Variants in HS3ST5 observed in about 807,000 individuals in gnomAD.
HS3ST5 encodes the protein heparan sulfate glucosamine 3-O-sulfotransferase 5.
A neutral mutation model predicts 25.4 loss-of-function variants in HS3ST5; 10 were observed. The ratio of observed to expected loss-of-function variants is 0.39; its 90% CI spans 0.24 to 0.67. The LOEUF is 0.67. Among genes scored for constraint, HS3ST5 ranks in the 30% least tolerant of loss-of-function variants. The pLI is 0.44. For missense variants in HS3ST5, 324 were observed against 420.7 expected, an observed-to-expected ratio of 0.77 and a Z score of 2.01; for synonymous variants, 170 against 162.4, an observed-to-expected ratio of 1.05 and a Z score of -0.36.
At chr6:114,119,952 C>A (rs1776704664) in intron 3 of HS3ST5, among the ~76,000 whole-genome samples, 1 of 152,114 alleles carries the variant, frequency 6.6e-6, no homozygotes, top group African/African-American at 2.4e-5. Context: ...CGAGACCGGC[C>A]TGGCCAACGT....
chr6:114,187,416 T>A (rs1365752690), intron 2 of HS3ST5, among the ~76,000 whole-genome samples: 1 of 151,790 alleles, frequency 6.6e-6, no homozygotes, highest in Non-Finnish European at 1.5e-5. Context: ...CTTTGAGGGG[T>A]TCAAGACTTC....
intron 1 of HS3ST5, among the ~76,000 whole-genome samples, chr6:114,280,541 G>C (rs1774061819): frequency 6.6e-6 from 1 of 152,008 alleles, no homozygotes; most frequent in Admixed American, 6.6e-5. Context: ...CATTCCAGTG[G>C]CATAACGATG....
At chr6:114,100,430 G>A (rs925271357) in intron 3 of HS3ST5, among the ~76,000 whole-genome samples, 1 of 151,970 alleles carries the variant, frequency 6.6e-6, no homozygotes, top group African/African-American at 2.4e-5. Context: ...CCCAGAGATG[G>A]TCTGATTTAA....
chr6:114,127,274 C>T (rs1162597896), intron 3 of HS3ST5, among the ~76,000 whole-genome samples: 1 of 152,072 alleles, frequency 6.6e-6, no homozygotes, highest in African/African-American at 2.4e-5. Flanking sequence ...GAAAATTCTA[C>T]TTAATTACCA....
At chr6:114,239,245 CA>C (rs1771993212) in intron 1 of HS3ST5, 1 of 152,118 alleles carries the variant, frequency 6.6e-6, no homozygotes, top group African/African-American at 2.4e-5. Context: ...TTTCAGTTAG[CA>C]AAAGGCATAG....
chr6:114,192,988 T>A (rs999015915), intron 2 of HS3ST5, among the ~76,000 whole-genome samples: 4 of 152,188 alleles, frequency 2.6e-5, no homozygotes, highest in African/African-American at 9.7e-5. Context: ...CCCACCTTTT[T>A]AAAAGTTTAA....
At chr6:114,146,585 C>A (rs1778172345) in intron 3 of HS3ST5, among the ~76,000 whole-genome samples, 1 of 152,188 alleles carries the variant, frequency 6.6e-6, no homozygotes, top group African/African-American at 2.4e-5. Context: ...GGCAGGGAGG[C>A]TGTTCCTAAG....
At chr6:114,165,693 T>C (rs947277869) in intron 3 of HS3ST5, among the ~76,000 whole-genome samples, 5 of 152,188 alleles carry the variant, frequency 3.3e-5, no homozygotes, top group Non-Finnish European at 7.4e-5. Context: ...TCGCGCTCAC[T>C]TCACCCCCAT....
intron 2 of HS3ST5, among the ~76,000 whole-genome samples, chr6:114,205,158 A>T (rs2114395517): frequency 6.6e-6 from 1 of 152,254 alleles, no homozygotes; most frequent in Non-Finnish European, 1.5e-5. Flanking sequence ...CCCACACGTT[A>T]AGGGCTCAGT....
chr6:114,216,443 A>G (rs1418760053), intron 2 of HS3ST5, among the ~76,000 whole-genome samples: 1 of 152,234 alleles, frequency 6.6e-6, no homozygotes, highest in African/African-American at 2.4e-5. Context: ...ATTGCTGGCA[A>G]TCAGGAGGCA....
chr6:114,231,925 G>A (rs903633647), intron 1 of HS3ST5, among the ~76,000 whole-genome samples: 33 of 152,170 alleles, frequency 2.2e-4, no homozygotes, highest in Non-Finnish European at 4.7e-4. Context: ...GAAGAACTGG[G>A]TTCTGTTATT....
At chr6:114,250,877 A>G (rs1342213448) in intron 1 of HS3ST5, among the ~76,000 whole-genome samples, 1 of 152,222 alleles carries the variant, frequency 6.6e-6, no homozygotes, top group African/African-American at 2.4e-5. Flanking sequence ...ACTCATGACT[A>G]AAAAGTTGAG....
At chr6:114,217,762 G>C (rs1003410659) in intron 2 of HS3ST5, among the ~76,000 whole-genome samples, 6 of 152,100 alleles carry the variant, frequency 3.9e-5, no homozygotes, top group African/African-American at 1.4e-4. Context: ...GCAGAAGTGG[G>C]GACTTGAATT....
intron 1 of HS3ST5, among the ~76,000 whole-genome samples, chr6:114,315,356 C>T (rs555997928): frequency 4.5e-4 from 68 of 152,164 alleles, no homozygotes; most frequent in African/African-American, 1.5e-3. Context: ...AGTCTTCTGC[C>T]TTTGTCTGAT....
chr6:114,205,664 C>G (rs930086304), intron 2 of HS3ST5, among the ~76,000 whole-genome samples: 17 of 152,132 alleles, frequency 1.1e-4, no homozygotes, highest in Admixed American at 9.8e-4. Flanking sequence ...AGTCCTCAAC[C>G]TTTTTGGCAG....
intron 2 of HS3ST5, among the ~76,000 whole-genome samples, chr6:114,168,933 T>C (rs1562223869): frequency 6.6e-6 from 1 of 152,202 alleles, no homozygotes; most frequent in Admixed American, 6.5e-5. Context: ...GGATGTATTA[T>C]GCAGTTGCTG....
intron 1 of HS3ST5, among the ~76,000 whole-genome samples, chr6:114,255,582 C>T (rs1039309551): frequency 6.6e-6 from 1 of 152,174 alleles, no homozygotes; most frequent in African/African-American, 2.4e-5. Context: ...AGGCCCACCC[C>T]CTACCTGCAG....
At chr6:114,085,723 G>A (rs1562190586) in intron 3 of HS3ST5, among the ~76,000 whole-genome samples, 1 of 152,010 alleles carries the variant, frequency 6.6e-6, no homozygotes, top group Non-Finnish European at 1.5e-5. Context: ...TTATGTTAGG[G>A]ATCTGTTCAC....
At chr6:114,319,963 AGTTT>A (rs1222638298) in intron 1 of HS3ST5, among the ~76,000 whole-genome samples, 1 of 152,076 alleles carries the variant, frequency 6.6e-6, no homozygotes, top group Admixed American at 6.6e-5. Flanking sequence ...TCAAGTTGTT[AGTTT>A]TTCATTTGCA....
Sources: allele counts gnomAD v4.1 joint callset (sites outside exome capture counted in the v4.1 genomes callset), GRCh38; gene constraint gnomAD v4.1.1; transcripts MANE v1.5; gene names NCBI Gene and HGNC (gene_info 2026-07-23, HGNC 2026-07-21).